Variants in CCDC148 observed in about 807,000 individuals in gnomAD.
CCDC148 encodes coiled-coil domain containing 148.
Under a neutral mutation model 85.7 loss-of-function variants are expected in CCDC148, and 89 were observed. The ratio of observed to expected loss-of-function variants is 1.04; its 90% CI spans 0.87 to 1.24. The LOEUF (loss-of-function observed/expected upper bound fraction) is 1.24. Among genes scored for constraint, CCDC148 ranks in the 50% most tolerant of loss-of-function variants. The pLI, the probability that CCDC148 is intolerant of heterozygous loss-of-function variation, is 0.00. For missense variants in CCDC148, 692 were observed against 671.7 expected, an observed-to-expected ratio of 1.03 and a Z score of -0.33; for synonymous variants, 230 against 213.9, an observed-to-expected ratio of 1.08 and a Z score of -0.66.
chr2:158,278,653 C>A (rs902927112), intron 9 of CCDC148, among the ~76,000 whole-genome samples: 1 of 152,272 alleles, frequency 6.6e-6, no homozygotes, highest in African/African-American at 2.4e-5. Flanking sequence ...CCCACCACAG[C>A]TCAAGGAGGC....
chr2:158,284,440 C>T (rs13416437), intron 9 of CCDC148, among the ~76,000 whole-genome samples: 6,252 of 152,182 alleles, frequency 0.041, 206 homozygotes, highest in African/African-American at 0.089. Flanking sequence ...AAGTGAAGAT[C>T]TCCTTTTGGA....
intron 11 of CCDC148, among the ~76,000 whole-genome samples, chr2:158,201,378 T>G (rs911277789): frequency 1.3e-5 from 2 of 151,918 alleles, no homozygotes; most frequent in Non-Finnish European, 2.9e-5. Flanking sequence ...TATATCCAAA[T>G]AATGTATACA....
intron 11 of CCDC148, among the ~76,000 whole-genome samples, chr2:158,196,395 G>A (rs1039026929): frequency 6.6e-6 from 1 of 152,072 alleles, no homozygotes; most frequent in Non-Finnish European, 1.5e-5. Flanking sequence ...TTACACCACA[G>A]AAATCAGCAC....
chr2:158,450,648 G>C (rs1188121625), intron 1 of CCDC148, among the ~76,000 whole-genome samples: 2 of 152,002 alleles, frequency 1.3e-5, no homozygotes, highest in Non-Finnish European at 2.9e-5. Flanking sequence ...AGTTTGTTTT[G>C]TTTCTAATGA....
intron 11 of CCDC148, among the ~76,000 whole-genome samples, chr2:158,211,690 C>G (rs1158248565): frequency 6.6e-6 from 1 of 152,124 alleles, no homozygotes; most frequent in Non-Finnish European, 1.5e-5. Context: ...TGGAAGGAAC[C>G]AGAGATGTAC....
At chr2:158,254,769 G>T (rs965432) in intron 9 of CCDC148, among the ~76,000 whole-genome samples, 1 of 151,086 alleles carries the variant, frequency 6.6e-6, no homozygotes, top group East Asian at 1.9e-4. Context: ...AAGGGGAATC[G>T]TCATTGAATG....
At chr2:158,281,381 C>A (rs1377908673) in intron 9 of CCDC148, among the ~76,000 whole-genome samples, 1 of 151,884 alleles carries the variant, frequency 6.6e-6, no homozygotes, top group Non-Finnish European at 1.5e-5. Flanking sequence ...AGACCGCTGG[C>A]AGACTAATAA....
chr2:158,179,142 TAA>T, intron 11 of CCDC148, 146 bp from the exon 12 acceptor site: 1 of 336,518 alleles, frequency 3.0e-6, no homozygotes, highest in African/African-American at 2.2e-5. Flanking sequence ...TCCAAATCAA[TAA>T]AAGACACTCA....
In CCDC148 at chr2:158,178,947, C is replaced by T. The variant is rs1428549409; in HGVS notation, c.1420G>A (p.Glu474Lys). ...TCATGAGCTTCTTGAAGGGCCACTT[C>T]CTTTTTCTCCATCAAACGCCTTTCC... The part of the protein sequence containing the change: ...LLERRLMEKK[E>K]VALQEAHEDK... Residue 474 changes from glutamate (E) to lysine (K), a missense_variant, in exon 12 of 14, where the codon GAA becomes AAA. By Grantham distance (56) the Glu-to-Lys change is moderately conservative (BLOSUM62 1). Coordinates refer to ENST00000283233, the MANE Select transcript of CCDC148 (RefSeq NM_138803.4). 3 of 1,613,596 alleles carry T rather than the reference C, an allele frequency of 1.9e-6. No individual in the cohort carries two copies. The highest frequency in any genetic ancestry group is 2.7e-5 in the African/African-American group (2 of 75,000).
Position 158,278,498 on chromosome 2 carries a change from C to T in CCDC148, c.1111-27586G>A, listed in dbSNP as rs375333567. On this transcript the variant is annotated intron_variant, in intron 9 of 13. Transcript: ENST00000283233. ...TATCCTGCACCTGGCTGGGAGGGTC[C>T]TTCACCCATGGAGTCTCACGGATTG... 1.2e-4 allele frequency among the ~76,000 whole-genome samples: 18 copies of T among 152,330 alleles called. 1 individual carries two copies. The South Asian group carries it at 3.7e-3, about 32-fold the overall frequency.
intron 11 of CCDC148, among the ~76,000 whole-genome samples, chr2:158,212,144 A>C (rs1156440683): frequency 6.6e-6 from 1 of 152,186 alleles, no homozygotes; most frequent in African/African-American, 2.4e-5. Context: ...CCTATTAAGA[A>C]CTGTATTTGT....
rs2883850 is a variant in CCDC148, at chr2:158,358,176, C to A, written c.147+273G>T. 7.9e-5 allele frequency among the ~76,000 whole-genome samples: 12 copies of A among 152,110 alleles called. No homozygotes were observed. In the South Asian group the frequency reaches 2.3e-3, roughly 29 times the overall value. ...AGATTAAGTTGGAAGTTGTTGAAAG[C>A]CAATAAAATAACTGTCTTTAAAAAA... On this transcript the variant is annotated intron_variant, in intron 2 of 13. Coordinates refer to ENST00000283233, the MANE Select transcript of CCDC148 (RefSeq NM_138803.4).
Position 158,331,304 on chromosome 2 carries a change from T to C in CCDC148, c.764+7422A>G, listed in dbSNP as rs983049239. On this transcript the variant is annotated intron_variant, in intron 7 of 13. Coordinates refer to ENST00000283233, the MANE Select transcript of CCDC148 (RefSeq NM_138803.4). ...AGGAGCAGGTTGTTCAGTTTCCATG[T>C]AGTTGAGCAGTTTTGAGTGAGTTTC... Among the ~76,000 whole-genome samples the C allele has an allele frequency of 9.9e-5, 15 of 152,218 alleles. 1 individual carries two copies. Among genetic ancestry groups the C allele is most frequent in the East Asian group, 1.9e-4 (1 of 5,206 alleles).
intron 1 of CCDC148, among the ~76,000 whole-genome samples, chr2:158,439,248 T>C (rs1037025371): frequency 1.3e-5 from 2 of 152,088 alleles, no homozygotes; most frequent in African/African-American, 4.8e-5. Flanking sequence ...AATGATAGAC[T>C]GGATTAAGAA....
chr2:158,378,770 A>C (rs1398045049), intron 1 of CCDC148, among the ~76,000 whole-genome samples: 2 of 152,120 alleles, frequency 1.3e-5, no homozygotes, highest in Non-Finnish European at 2.9e-5. Context: ...CCTGGGTGAT[A>C]GCACATCTGT....
chr2:158,278,208 G>A (rs758985711), intron 9 of CCDC148, among the ~76,000 whole-genome samples: 4 of 152,114 alleles, frequency 2.6e-5, no homozygotes, highest in South Asian at 2.1e-4. Context: ...CGCAGAAGAC[G>A]GGTGATTTCT....
chr2:158,209,262 T>G (rs1382252835), intron 11 of CCDC148, among the ~76,000 whole-genome samples: 2 of 152,118 alleles, frequency 1.3e-5, no homozygotes, highest in African/African-American at 4.8e-5. Context: ...ATCCATGGCT[T>G]TATTCTCCTT....
chr2:158,288,837 C>A (rs1184241538), intron 9 of CCDC148: 1 of 348,916 alleles, frequency 2.9e-6, no homozygotes, highest in Non-Finnish European at 5.6e-6. Flanking sequence ...ATACCTGAGA[C>A]TGGGAAGAAA....
intron 11 of CCDC148, among the ~76,000 whole-genome samples, chr2:158,182,269 G>C (rs890716711): frequency 6.6e-6 from 1 of 152,086 alleles, no homozygotes; most frequent in Non-Finnish European, 1.5e-5. Flanking sequence ...AGAGTAAGAA[G>C]AGAGGTAGGC....
Sources: gnomAD v4.1 joint callset for allele counts (sites outside exome capture counted in the v4.1 genomes callset) on GRCh38, gnomAD v4.1.1 for gene constraint, MANE v1.5 for transcripts, NCBI Gene and HGNC (gene_info 2026-07-23, HGNC 2026-07-21) for gene names.